CASR: variants seen among roughly 807,000 people sequenced by gnomAD.
CASR encodes the protein calcium sensing receptor.
A neutral mutation model predicts 69.1 loss-of-function variants in CASR; 23 were observed. The observed-to-expected ratio is 0.33, with a 90% CI of 0.24 to 0.47. CASR has a LOEUF of 0.47. Among genes scored for constraint, CASR ranks in the 20% least tolerant of loss-of-function variants. The pLI, the probability that CASR is intolerant of heterozygous loss-of-function variation, is 1.00. For missense variants in CASR, 924 were observed against 1,356.1 expected, an observed-to-expected ratio of 0.68 and a Z score of 5.00; for synonymous variants, 541 against 544.7, an observed-to-expected ratio of 0.99 and a Z score of 0.10.
chr3:122,227,196 G>A (rs1215823041), intron 1 of CASR, among the ~76,000 whole-genome samples: 1 of 152,266 alleles, frequency 6.6e-6, no homozygotes, highest in Non-Finnish European at 1.5e-5. Flanking sequence ...CTGCCTGCCA[G>A]TCCAGCCATG....
intron 2 of CASR, among the ~76,000 whole-genome samples, chr3:122,256,144 C>T (rs980876548): frequency 2.0e-4 from 31 of 152,114 alleles, no homozygotes; most frequent in African/African-American, 7.0e-4. Flanking sequence ...CTCAGCATTC[C>T]ACCTCCCAGA....
intron 1 of CASR, among the ~76,000 whole-genome samples, chr3:122,185,682 T>C (rs1043290730): frequency 6.6e-5 from 10 of 151,958 alleles, no homozygotes; most frequent in Non-Finnish European, 1.3e-4. Context: ...ACCTTGCTGT[T>C]GCTTTTCCCA....
In CASR at chr3:122,254,510, G is replaced by C. The variant is rs142566660; in HGVS notation, c.185+136G>C. ...GTGATTGATTGGTAATCATGCTGAA[G>C]CTTATTGCCCCCACAACCTGCCTTT... is the stretch of plus-strand genomic sequence containing the variant. On this transcript the variant is annotated intron_variant, in intron 2 of 6. Transcript: ENST00000639785. 32 of 876,272 alleles carry C rather than the reference G, an allele frequency of 3.7e-5. No individual in the cohort carries two copies. The East Asian group carries it at 8.2e-4, about 22-fold the overall frequency. The allele number at this position is 876,272 out of a possible 1,614,324, so 54.3% of individuals were successfully genotyped here.
chr3:122,228,246 C>T (rs1276024656), intron 1 of CASR, among the ~76,000 whole-genome samples: 2 of 152,220 alleles, frequency 1.3e-5, no homozygotes, highest in African/African-American at 4.8e-5. Context: ...TCCATCTTTT[C>T]TTCCTAGGTC....
chr3:122,252,909 A>G (rs9834465), intron 1 of CASR, among the ~76,000 whole-genome samples: 2,052 of 152,302 alleles, frequency 0.013, 43 homozygotes, highest in African/African-American at 0.047. Flanking sequence ...TAGCCCCATC[A>G]ACCTGTAATT....
intron 1 of CASR, among the ~76,000 whole-genome samples, chr3:122,186,206 T>C (rs965184942): frequency 1.6e-4 from 24 of 152,338 alleles, no homozygotes; most frequent in Admixed American, 7.8e-4. Flanking sequence ...AGTCTCCACA[T>C]TTTTCCTTTA....
intron 4 of CASR, among the ~76,000 whole-genome samples, chr3:122,273,886 C>T (rs1248117129): frequency 1.3e-5 from 2 of 152,150 alleles, no homozygotes; most frequent in African/African-American, 4.8e-5. Context: ...ATGTACACCA[C>T]TCTGGGTAGG....
chr3:122,252,450 A>AAGAAAGAAAAG (rs1553765694), intron 1 of CASR, among the ~76,000 whole-genome samples: 1 of 100,534 alleles, frequency 9.9e-6, no homozygotes, highest in Non-Finnish European at 2.1e-5. Flanking sequence ...AGAAAGAAAA[A>AAGAAAGAAAAG]AAAGAAAAGA....
intron 4 of CASR, 56 bp from the exon 5 acceptor site, chr3:122,275,756 T>C (rs1371881781): frequency 8.9e-7 from 1 of 1,125,142 alleles, no homozygotes; most frequent in Non-Finnish European, 1.4e-6. Flanking sequence ...ACAGCCTACC[T>C]AATTAGTTCT....
chr3:122,249,808 G>A (rs2074464581), intron 1 of CASR, among the ~76,000 whole-genome samples: 1 of 152,246 alleles, frequency 6.6e-6, no homozygotes, highest in Non-Finnish European at 1.5e-5. Context: ...GCTAGATACT[G>A]TTGGAGATAA....
intron 4 of CASR, among the ~76,000 whole-genome samples, chr3:122,270,132 G>A (rs891414167): frequency 3.3e-5 from 5 of 152,122 alleles, no homozygotes; most frequent in African/African-American, 1.2e-4. Flanking sequence ...ATGAACCACT[G>A]TCCATGGCCT....
chr3:122,281,986 G>A, intron 5 of CASR, 127 bp from the exon 6 acceptor site: 1 of 1,360,078 alleles, frequency 7.4e-7, no homozygotes. Flanking sequence ...GCCTGGAATG[G>A]GCCCAACGTC....
chr3:122,276,052 G>A lies in CASR; in HGVS notation c.1608+10G>A, dbSNP rs2074816255. 1 of 1,565,046 alleles carries A rather than the reference G, an allele frequency of 6.4e-7. No individual in the cohort carries two copies. Among genetic ancestry groups the A allele is most frequent in the Non-Finnish European group, 8.8e-7 (1 of 1,135,296 alleles). ...TGGGTTCTCCAGGGAGGTAGGTGCT[G>A]TCCATCAGAAAACCAGATGTCTCCA... On this transcript the variant is annotated intron_variant, in intron 5 of 6. Coordinates refer to ENST00000639785, the MANE Select transcript of CASR (RefSeq NM_000388.4).
intron 1 of CASR, among the ~76,000 whole-genome samples, chr3:122,186,799 G>A (rs567075360): frequency 5.3e-5 from 8 of 152,260 alleles, no homozygotes; most frequent in Non-Finnish European, 7.4e-5. Flanking sequence ...TGTTGTTTAC[G>A]TAGGACCAGA....
intron 1 of CASR, among the ~76,000 whole-genome samples, chr3:122,205,841 G>T (rs966842825): frequency 6.6e-6 from 1 of 151,786 alleles, no homozygotes; most frequent in Non-Finnish European, 1.5e-5. Flanking sequence ...ATTATAAATA[G>T]GATTTTTTTA....
intron 1 of CASR, among the ~76,000 whole-genome samples, chr3:122,207,422 C>G (rs1280098072): frequency 6.6e-6 from 1 of 152,028 alleles, no homozygotes; most frequent in Admixed American, 6.6e-5. Flanking sequence ...TCTTAGGCCA[C>G]AAAACAAGTC....
chr3:122,238,824 G>T (rs11709295), intron 1 of CASR, among the ~76,000 whole-genome samples: 2,463 of 152,258 alleles, frequency 0.016, 42 homozygotes, highest in South Asian at 0.064. Context: ...ACATGCCCTG[G>T]GCCAGAAGGG....
intron 1 of CASR, among the ~76,000 whole-genome samples, chr3:122,205,218 T>A (rs2073995327): frequency 6.6e-6 from 1 of 151,990 alleles, no homozygotes; most frequent in Non-Finnish European, 1.5e-5. Context: ...TCGGGTCTTA[T>A]ATTTTTAAAT....
intron 1 of CASR, among the ~76,000 whole-genome samples, chr3:122,234,766 CAT>C (rs1415595788): frequency 3.9e-5 from 6 of 152,206 alleles, no homozygotes; most frequent in Admixed American, 6.5e-5. Flanking sequence ...TTTATAGAAA[CAT>C]GTGTGGGCTT....
Sources: gnomAD v4.1 joint callset for allele counts (sites outside exome capture counted in the v4.1 genomes callset) on GRCh38, gnomAD v4.1.1 for gene constraint, MANE v1.5 for transcripts, NCBI Gene and HGNC (gene_info 2026-07-23, HGNC 2026-07-21) for gene names.